The following STK32B variants were observed in gnomAD, a reference collection of about 807,000 sequenced individuals.
STK32B encodes serine/threonine-protein kinase 32B.
STK32B carries 43 observed loss-of-function variants against 52.6 expected under a neutral mutation model. The ratio of observed to expected loss-of-function variants is 0.82; its 90% CI spans 0.64 to 1.05. The LOEUF (loss-of-function observed/expected upper bound fraction) is 1.05, where lower values mean the gene tolerates loss of function less well. Among genes scored for constraint, STK32B ranks in the 50% least tolerant of loss-of-function variants. STK32B has a pLI of 0.00. For synonymous variants in STK32B, 238 were observed against 204.3 expected (o/e 1.17, Z -1.41); for missense variants, 621 against 534.6 (o/e 1.16, Z -1.59).
intron 1 of STK32B, among the ~76,000 whole-genome samples, chr4:5,103,897 A>G (rs1358112564): frequency 6.6e-6 from 1 of 152,178 alleles, no homozygotes; most frequent in Non-Finnish European, 1.5e-5. Context: ...AAATAGTTAG[A>G]GTTCACTCGG....
intron 3 of STK32B, among the ~76,000 whole-genome samples, chr4:5,241,705 TC>T (rs2108818018): frequency 6.6e-6 from 1 of 152,250 alleles, no homozygotes; most frequent in African/African-American, 2.4e-5. Context: ...TAGGTATATC[TC>T]CTAATGCTAT....
At chr4:5,366,119 G>A (rs927455061) in intron 4 of STK32B, among the ~76,000 whole-genome samples, 5 of 152,148 alleles carry the variant, frequency 3.3e-5, no homozygotes, top group African/African-American at 1.2e-4. Flanking sequence ...GAGGTGGTGA[G>A]CCAAGGGCCC....
At chr4:5,308,295 G>T (rs895411664) in intron 3 of STK32B, among the ~76,000 whole-genome samples, 1 of 152,084 alleles carries the variant, frequency 6.6e-6, no homozygotes. Flanking sequence ...GGCTTTCTTG[G>T]TATGTTCCTC....
chr4:5,492,253 A>C lies in STK32B; in HGVS notation c.1107-6692A>C, dbSNP rs1041248088. Among the ~76,000 whole-genome samples the C allele has an allele frequency of 9.9e-5, 15 of 152,024 alleles. No homozygotes were observed. In the East Asian group the frequency reaches 1.7e-3, roughly 18 times the overall value. On this transcript the variant is annotated intron_variant, in intron 11 of 11. Transcript: ENST00000282908. ...ATTTCTTTGTATCCTCTTTTATTTC[A>C]TTGAGCAGTGGCTTGTAGTTCTCCT...
rs28475295 is a variant in STK32B, at chr4:5,396,408, A to T, written c.435-1799A>T. Among the ~76,000 whole-genome samples the T allele has an allele frequency of 5.3e-5, 8 of 152,124 alleles. No homozygotes were observed. The highest frequency in any genetic ancestry group is 1.9e-4 in the African/African-American group (8 of 41,410). ...GTCCTCCCTAAATCCAGGATGATTC[A>T]TCTTGAGATCCTTAAGTAATTACCT... On this transcript the variant is annotated intron_variant, in intron 4 of 11. Coordinates refer to ENST00000282908, the MANE Select transcript of STK32B (RefSeq NM_018401.3). The surrounding 1 kb of genome is among the most constrained non-coding windows in gnomAD (Gnocchi z 4.7).
At chr4:5,087,086 T>G (rs28859285) in intron 1 of STK32B, among the ~76,000 whole-genome samples, 37,775 of 152,080 alleles carry the variant, frequency 0.25, 5,588 homozygotes, top group Non-Finnish European at 0.34. Flanking sequence ...TTCCATGTGT[T>G]TTAAAAATTG....
intron 6 of STK32B, among the ~76,000 whole-genome samples, chr4:5,434,545 A>T: frequency 6.6e-6 from 1 of 152,020 alleles, no homozygotes; most frequent in East Asian, 1.9e-4. Flanking sequence ...AAGGAGACAG[A>T]ACTAGGTTGT....
intron 3 of STK32B, among the ~76,000 whole-genome samples, chr4:5,302,144 G>T (rs1577315280): frequency 6.6e-6 from 1 of 151,292 alleles, no homozygotes; most frequent in Non-Finnish European, 1.5e-5. Flanking sequence ...AAAACAGTCT[G>T]ATGTATGTGT....
chr4:5,452,222 C>G (rs1716070328), intron 7 of STK32B, among the ~76,000 whole-genome samples: 1 of 152,190 alleles, frequency 6.6e-6, no homozygotes. Flanking sequence ...CCCCAGTCAG[C>G]ACTTCTCCTT....
At chr4:5,052,004 T>C in intron 1 of STK32B, 89 bp downstream of exon 1, 1 of 1,526,072 alleles carries the variant, frequency 6.6e-7, no homozygotes, top group East Asian at 2.5e-5. Context: ...CACCGCATGC[T>C]GCCCGGCGCG....
At chr4:5,253,494 C>G (rs1264943420) in intron 3 of STK32B, among the ~76,000 whole-genome samples, 2 of 152,104 alleles carry the variant, frequency 1.3e-5, no homozygotes. Context: ...CCTGCCTCAG[C>G]CTCCGAAATG....
chr4:5,276,366 A>T (rs1331158152), intron 3 of STK32B, among the ~76,000 whole-genome samples: 1 of 152,138 alleles, frequency 6.6e-6, no homozygotes, highest in Non-Finnish European at 1.5e-5. Context: ...GACTTGTTAG[A>T]ATGTGCATCC....
intron 1 of STK32B, among the ~76,000 whole-genome samples, chr4:5,101,777 A>G (rs1312425797): frequency 6.6e-6 from 1 of 152,196 alleles, no homozygotes; most frequent in Non-Finnish European, 1.5e-5. Flanking sequence ...TGAATTGTAG[A>G]TTAACACTCA....
chr4:5,110,531 G>A (rs1048276849), intron 1 of STK32B, among the ~76,000 whole-genome samples: 8 of 151,718 alleles, frequency 5.3e-5, no homozygotes, highest in African/African-American at 1.9e-4. Flanking sequence ...TCAATAAATG[G>A]TGCTGGGAAA....
At chr4:5,285,052 A>G (rs1728458457) in intron 3 of STK32B, among the ~76,000 whole-genome samples, 2 of 152,252 alleles carry the variant, frequency 1.3e-5, no homozygotes, top group Non-Finnish European at 1.5e-5. Flanking sequence ...CAGTATCAAT[A>G]TAAAGTACAG....
At chr4:5,040,342 G>A in the STK32B span, among the ~76,000 whole-genome samples, 1 of 151,782 alleles carries the variant, frequency 6.6e-6, no homozygotes, top group Non-Finnish European at 1.5e-5. Context: ...GCCTATAGAA[G>A]GGAAGTGACT....
intron 6 of STK32B, 80 bp downstream of exon 6, chr4:5,417,014 C>G: frequency 2.3e-6 from 3 of 1,302,936 alleles, no homozygotes; most frequent in Non-Finnish European, 3.2e-6. Context: ...TTTCATCTGC[C>G]ACTGCCCGCT....
At chr4:5,179,332 G>A (rs1024148069) in intron 3 of STK32B, among the ~76,000 whole-genome samples, 7 of 152,172 alleles carry the variant, frequency 4.6e-5, no homozygotes, top group Non-Finnish European at 1.0e-4. Context: ...GGGGATTATG[G>A]GGATTATAAT....
At chr4:5,389,795 G>T (rs1326236151) in intron 4 of STK32B, among the ~76,000 whole-genome samples, 1 of 152,200 alleles carries the variant, frequency 6.6e-6, no homozygotes, top group Non-Finnish European at 1.5e-5. Flanking sequence ...GGGCAAAAGG[G>T]ACTTTGCAGA....
Sources: allele counts gnomAD v4.1 joint callset (sites outside exome capture counted in the v4.1 genomes callset), GRCh38; gene constraint gnomAD v4.1.1; non-coding constraint Gnocchi (gnomAD v3.1); transcripts MANE v1.5; gene names NCBI Gene and HGNC (gene_info 2026-07-23, HGNC 2026-07-21).